Variants in ZNF48 observed in about 807,000 individuals in gnomAD.
The protein encoded by ZNF48 is zinc finger protein 48.
In ZNF48, 20 loss-of-function variants were observed where a neutral mutation model predicts 40.0. The ratio of observed to expected loss-of-function variants is 0.50; its 90% confidence interval spans 0.35 to 0.73. The LOEUF (loss-of-function observed/expected upper bound fraction) is 0.73, where lower values mean the gene tolerates loss of function less well. ZNF48 is among the 30% of genes least tolerant of loss of function. The pLI, the probability that ZNF48 is intolerant of heterozygous loss-of-function variation, is 0.01. For synonymous variants in ZNF48, 298 were observed against 329.7 expected (o/e 0.90, Z 1.04); for missense variants, 726 against 851.9 (o/e 0.85, Z 1.84).
Position 30,382,529 on chromosome 16 carries a change from ACT to A in ZNF48, c.-16+4121_-16+4122del. The stretch of plus-strand genomic sequence containing the variant: ...TTTCTGGGTGTAAGGACTCACCATG[ACT>A]CCGCCAGCCATCACTGCACCTGCCG... On this transcript the variant is annotated intron_variant, in intron 1 of 2. Transcript: ENST00000528032. The surrounding 1 kb of genome is among the most constrained non-coding windows in gnomAD (Gnocchi z 4.8). 1 of 1,587,578 alleles carries A rather than the reference ACT, an allele frequency of 6.3e-7. No individual in the cohort carries two copies. Among genetic ancestry groups the A allele is most frequent in the Non-Finnish European group, 8.6e-7 (1 of 1,168,372 alleles).
rs1395792539 is a variant in ZNF48, at chr16:30,397,308, C to T, written c.80-22C>T. 1 of 1,591,354 alleles carries T rather than the reference C, an allele frequency of 6.3e-7. No individual in the cohort carries two copies. Among genetic ancestry groups the T allele is most frequent in the African/African-American group, 1.3e-5 (1 of 74,362 alleles). On this transcript the variant is annotated intron_variant, in intron 2 of 2. Transcript: ENST00000613509. This position sits in a 1 kb window ranked among gnomAD's most constrained non-coding sequence, Gnocchi z 4.1. ...GTACCGAGCCAAAGGGGAGGGTCTA[C>T]AACTTCCTTTTCTTTCCTCAGGTCT... is the stretch of plus-strand genomic sequence containing the variant.
At chr16:30,396,361 C>G (rs1343122838) in intron 2 of ZNF48, among the ~76,000 whole-genome samples, 1 of 152,166 alleles carries the variant, frequency 6.6e-6, no homozygotes, top group African/African-American at 2.4e-5. Context: ...TTTCTCTTCG[C>G]TCTGCCGTAA....
At position 30,397,193 on chromosome 16, in the gene ZNF48, C is replaced by G; in HGVS notation, c.80-137C>G. On this transcript the variant is annotated intron_variant, in intron 2 of 2. Transcript: ENST00000613509. This position sits in a 1 kb window ranked among gnomAD's most constrained non-coding sequence, Gnocchi z 4.1. ...TATTGAGAGGCACAGATAGTAAGTG[C>G]ACCAGAGGTTGAGAGGACAGAGAGA... 1.3e-6 allele frequency: 1 copy of G among 747,982 alleles called. No individual in the cohort carries two copies. Among genetic ancestry groups the G allele is most frequent in the Non-Finnish European group, 2.2e-6 (1 of 458,474 alleles). 46.3% of individuals were successfully genotyped at this position (747,982 alleles called of 1,614,324 possible). A position where few individuals can be genotyped will look rare whatever the true frequency, so the allele number is the denominator to read the frequency against.
At chr16:30,383,175 C>T (rs1330436946) in intron 1 of ZNF48, among the ~76,000 whole-genome samples, 1 of 152,072 alleles carries the variant, frequency 6.6e-6, no homozygotes, top group East Asian at 1.9e-4. Context: ...CAGCAAAACC[C>T]TGTTTCTTTT....
At chr16:30,388,952 AAAC>A (rs2151114652) in intron 1 of ZNF48, among the ~76,000 whole-genome samples, 1 of 149,482 alleles carries the variant, frequency 6.7e-6, no homozygotes, top group African/African-American at 2.5e-5. Flanking sequence ...AACAAAAAGA[AAAC>A]AACCCTGCAA....
At chr16:30,379,638 C>CTTTTTTT (rs2049813382) in intron 1 of ZNF48, 13 of 295,606 alleles carry the variant, frequency 4.4e-5, no homozygotes, top group South Asian at 2.3e-4. Flanking sequence ...CTGCCCCTTC[C>CTTTTTTT]TCTTTTTTTT....
At chr16:30,390,961 G>A (rs1443615176), upstream of ZNF48, among the ~76,000 whole-genome samples, 3 of 151,332 alleles carry the variant, frequency 2.0e-5, no homozygotes, top group East Asian at 2.0e-4. Context: ...GGATGGTCTC[G>A]ATCTCCTGAC....
At position 30,399,092 on chromosome 16, in the gene ZNF48, A is replaced by G; in HGVS notation, c.1842A>G (p.Ala614=). Residue 614 remains alanine, a synonymous_variant, in exon 3 of 3, where the codon GCA becomes GCG. Coordinates refer to ENST00000613509, the MANE Select transcript of ZNF48 (RefSeq NM_001214909.2). The part of the protein sequence containing the change: ...GRARPLKQEA[A]TGLE ...CAAGGCCCCTCAAGCAGGAGGCAGCAACAGGACTGGAATGACGCGGTCCAG... is the reference window on the plus strand; with the variant it reads ...CAAGGCCCCTCAAGCAGGAGGCAGCGACAGGACTGGAATGACGCGGTCCAG... 1 of 1,593,750 alleles carries G rather than the reference A, an allele frequency of 6.3e-7. No homozygotes were observed. The highest frequency in any genetic ancestry group is 8.6e-7 in the Non-Finnish European group (1 of 1,169,538).
chr16:30,395,768 C>T lies in ZNF48; in HGVS notation c.-15-12C>T, dbSNP rs1280598404. The T allele has an allele frequency of 1.3e-6, 2 of 1,517,060 alleles. No homozygotes were observed. Among genetic ancestry groups the T allele is most frequent in the East Asian group, 2.5e-5 (1 of 39,432 alleles). 94.0% of individuals were successfully genotyped at this position (1,517,060 alleles called of 1,614,324 possible). A position where few individuals can be genotyped will look rare whatever the true frequency, so the allele number is the denominator to read the frequency against. Reference sequence around the variant, plus strand: ...TGCGTGACCGCGGGATGCTGTCTGTCCCCTTGCTCAGGGCGGCGTGCCGGC... The same window carrying T: ...TGCGTGACCGCGGGATGCTGTCTGTTCCCTTGCTCAGGGCGGCGTGCCGGC... On this transcript the variant is annotated splice_polypyrimidine_tract_variant and intron_variant, in intron 1 of 2. Coordinates refer to ENST00000613509, the MANE Select transcript of ZNF48 (RefSeq NM_001214909.2). The surrounding 1 kb of genome is among the most constrained non-coding windows in gnomAD (Gnocchi z 5.9).
At position 30,381,640 on chromosome 16, in the gene ZNF48, T is replaced by C; in HGVS notation, c.-16+3230T>C. ...GTCATCAAGAAGCACAGGGACCCAG[T>C]GGCCCTCTGAAACAGACACCACCTT... On this transcript the variant is annotated intron_variant, in intron 1 of 2. Transcript: ENST00000528032. The surrounding 1 kb of genome is among the most constrained non-coding windows in gnomAD (Gnocchi z 4.3). 6.7e-7 allele frequency: 1 copy of C among 1,503,428 alleles called. No individual in the cohort carries two copies. The highest frequency in any genetic ancestry group is 1.9e-5 in the Admixed American group (1 of 52,754). The allele number at this position is 1,503,428 out of a possible 1,614,324, so 93.1% of individuals were successfully genotyped here. A position where few individuals can be genotyped will look rare whatever the true frequency, so the allele number is the denominator to read the frequency against.
chr16:30,379,378 G>A, intron 1 of ZNF48: 17 of 1,512,720 alleles, frequency 1.1e-5, no homozygotes, highest in Non-Finnish European at 1.5e-5. Flanking sequence ...GAGTGCGCCT[G>A]ACCCAGAGGC....
intron 1 of ZNF48, among the ~76,000 whole-genome samples, chr16:30,388,872 C>T (rs1002427697): frequency 2.6e-5 from 4 of 151,614 alleles, no homozygotes; most frequent in East Asian, 1.9e-4. Context: ...CCAGCCTGGG[C>T]GACGGAGTAA....
intron 1 of ZNF48, among the ~76,000 whole-genome samples, chr16:30,388,120 A>G (rs1051388134): frequency 2.0e-5 from 3 of 151,696 alleles, no homozygotes; most frequent in Admixed American, 2.0e-4. Context: ...ACAGGCATGC[A>G]CCACCACGCT....
At chr16:30,378,464 C>A (rs1299697808) in intron 1 of ZNF48, 1 of 1,575,102 alleles carries the variant, frequency 6.3e-7, no homozygotes, top group South Asian at 1.1e-5. Flanking sequence ...CGCCCTGGGC[C>A]TGGCTCTGCT....
At chr16:30,396,375 C>T (rs1390208942) in intron 2 of ZNF48, among the ~76,000 whole-genome samples, 2 of 152,114 alleles carry the variant, frequency 1.3e-5, no homozygotes, top group Middle Eastern at 3.2e-3. Context: ...GCCGTAATGC[C>T]GGTTCCTATT....
Position 30,382,836 on chromosome 16 carries a change from C to T in ZNF48, c.-16+4426C>T. 6.7e-7 allele frequency: 1 copy of T among 1,494,454 alleles called. No homozygotes were observed. Among genetic ancestry groups the T allele is most frequent in the Non-Finnish European group, 9.0e-7 (1 of 1,109,192 alleles). 92.6% of individuals were successfully genotyped at this position (1,494,454 alleles called of 1,614,324 possible). A position where few individuals can be genotyped will look rare whatever the true frequency, so the allele number is the denominator to read the frequency against. ...TGTGCAGAGAGGAAGGAAGTGGCTC[C>T]CTTTGTTAGCAGGGGAGATGAAGGT... On this transcript the variant is annotated intron_variant, in intron 1 of 2. Coordinates refer to the ZNF48 transcript ENST00000528032. This position sits in a 1 kb window ranked among gnomAD's most constrained non-coding sequence, Gnocchi z 4.8.
intron 1 of ZNF48, among the ~76,000 whole-genome samples, chr16:30,389,339 C>T (rs531303765): frequency 6.6e-6 from 1 of 150,668 alleles, no homozygotes; most frequent in South Asian, 2.1e-4. Flanking sequence ...TGCAGTGAGC[C>T]GAGATTGTGC....
At chr16:30,393,139 C>T (rs139908245), upstream of ZNF48, among the ~76,000 whole-genome samples, 484 of 151,872 alleles carry the variant, frequency 3.2e-3, 3 homozygotes, top group African/African-American at 0.011. Context: ...TGCAATGGCG[C>T]GATCTCAGCT....
At position 30,378,347 on chromosome 16, in the gene ZNF48, G is replaced by T. The variant is rs912967242; in HGVS notation, c.-79G>T. 4 of 1,291,096 alleles carry T rather than the reference G, an allele frequency of 3.1e-6. No homozygotes were observed. The South Asian group carries it at 4.3e-5, about 14-fold the overall frequency. The allele number at this position is 1,291,096 out of a possible 1,614,324, so 80.0% of individuals were successfully genotyped here. ...CGAGGGCGGCACCCGCGGAGGTCCCGGGGGGCGCTGGGCAGTGTGGGGCGC... is the reference window on the plus strand; with the variant it reads ...CGAGGGCGGCACCCGCGGAGGTCCCTGGGGGCGCTGGGCAGTGTGGGGCGC... On this transcript the variant is annotated 5_prime_UTR_variant, in exon 1 of 3. Transcript: ENST00000528032.
Sources: allele counts gnomAD v4.1 joint callset (sites outside exome capture counted in the v4.1 genomes callset), GRCh38; gene constraint gnomAD v4.1.1; non-coding constraint Gnocchi (gnomAD v3.1); transcripts MANE v1.5; gene names NCBI Gene and HGNC (gene_info 2026-07-23, HGNC 2026-07-21).